Variants in WRN observed in about 807,000 individuals in gnomAD.
WRN encodes WRN RecQ like helicase, also known as bifunctional 3'-5' exonuclease/ATP-dependent helicase WRN.
In WRN, 149 loss-of-function variants were observed where a neutral mutation model predicts 180.7. That is an observed-to-expected ratio of 0.82 (90% CI 0.72 to 0.94). WRN has a LOEUF of 0.94. WRN is among the 40% of genes least tolerant of loss of function. WRN has a pLI of 0.00. For synonymous variants in WRN, 548 were observed against 568.9 expected, an observed-to-expected ratio of 0.96 and a Z score of 0.52; for missense variants, 1,661 against 1,700.1, an observed-to-expected ratio of 0.98 and a Z score of 0.40.
intron 18 of WRN, among the ~76,000 whole-genome samples, chr8:31,105,554 CG>C: frequency 6.6e-6 from 1 of 152,224 alleles, no homozygotes; most frequent in Non-Finnish European, 1.5e-5. Context: ...CTCTGCCTCC[CG>C]GGTTCAAGTG....
intron 7 of WRN, among the ~76,000 whole-genome samples, chr8:31,069,315 C>A (rs549466249): frequency 6.6e-6 from 1 of 152,254 alleles, no homozygotes; most frequent in South Asian, 2.1e-4. Context: ...AGTCTTTATT[C>A]TTACTTCTCC....
intron 33 of WRN, among the ~76,000 whole-genome samples, chr8:31,158,240 C>G (rs1181136829): frequency 6.6e-6 from 1 of 152,134 alleles, no homozygotes; most frequent in Non-Finnish European, 1.5e-5. Flanking sequence ...AGTAGCCTTT[C>G]TAATCAACAC....
At chr8:31,085,398 CTTTTATGTAG>C (rs1813491567) in intron 11 of WRN, 152 bp downstream of exon 11, 1 of 828,016 alleles carries the variant, frequency 1.2e-6, no homozygotes, top group Non-Finnish European at 1.9e-6. Context: ...ATTCATGTTT[CTTTTATGTAG>C]TCTATGAATA....
At chr8:31,116,635 T>G in intron 20 of WRN, 107 bp downstream of exon 20, 1 of 1,450,296 alleles carries the variant, frequency 6.9e-7, no homozygotes, top group Non-Finnish European at 9.5e-7. Flanking sequence ...GTGTTGAACA[T>G]AAAGCAGTCC....
chr8:31,140,346 G>A (rs1250756226), intron 24 of WRN, among the ~76,000 whole-genome samples: 1 of 152,046 alleles, frequency 6.6e-6, no homozygotes. Flanking sequence ...TTTAAAAGTA[G>A]TATTTAAATG....
At position 31,085,134 on chromosome 8, in the gene WRN, T is replaced by C. The variant is rs759461389; in HGVS notation, c.1351-32T>C. On this transcript the variant is annotated intron_variant, in intron 10 of 34. Transcript: ENST00000298139. The stretch of plus-strand genomic sequence containing the variant: ...AAAGAGGATATGAAGTCAATTATAT[T>C]GGAAATTAATGCTTAATACTTTTTT... The C allele has an allele frequency of 2.5e-6, 4 of 1,607,970 alleles. No homozygotes were observed. The Admixed American group carries it at 5.0e-5, about 20-fold the overall frequency.
chr8:31,039,611 G>A (rs1811572539), intron 1 of WRN, among the ~76,000 whole-genome samples: 1 of 152,122 alleles, frequency 6.6e-6, no homozygotes, highest in Non-Finnish European at 1.5e-5. Flanking sequence ...GTGAAAGTGG[G>A]TATCTTTGTC....
At position 31,167,222 on chromosome 8, in the gene WRN, A is replaced by G. The variant is rs1585550300; in HGVS notation, c.4183A>G (p.Asn1395Asp). The G allele has an allele frequency of 6.2e-7, 1 of 1,612,204 alleles. No individual in the cohort carries two copies. Among genetic ancestry groups the G allele is most frequent in the Non-Finnish European group, 8.5e-7 (1 of 1,178,726 alleles). The change falls in exon 34 of 35, where the codon AAT (asparagine) becomes GAT (aspartate). Residue 1395 changes from asparagine to aspartate, a missense_variant. Physicochemically the swap from Asn to Asp is conservative, Grantham distance 23. Transcript: ENST00000298139. ...SKRSKEEVGI[N>D]TETSSAERKR... ...GAGAAGCAAGGAAGAAGTAGGCATC[A>G]ATACTGAGGTATTAATTATATATAG...
Position 31,141,704 on chromosome 8 carries a change from T to G in WRN, c.3162T>G (p.Ala1054=), listed in dbSNP as rs111426441. The G allele has an allele frequency of 6.2e-7, 1 of 1,614,222 alleles. No homozygotes were observed. Among genetic ancestry groups the G allele is most frequent in the Non-Finnish European group, 8.5e-7 (1 of 1,180,032 alleles). Residue 1054 remains alanine, a synonymous_variant, in exon 26 of 35, where the codon GCT becomes GCG. Coordinates refer to ENST00000298139, the MANE Select transcript of WRN (RefSeq NM_000553.6). ...TKKGRNWLHK[A]NTESQSLILQ... Reference sequence around the variant, plus strand: ...AGGGTAGAAATTGGCTTCATAAAGCTAATACAGAATCTCAGAGCCTCATCC... The same window carrying G: ...AGGGTAGAAATTGGCTTCATAAAGCGAATACAGAATCTCAGAGCCTCATCC...
At chr8:31,074,737 G>A (rs184325351) in intron 7 of WRN, among the ~76,000 whole-genome samples, 208 of 152,228 alleles carry the variant, frequency 1.4e-3, no homozygotes, top group Admixed American at 2.5e-3. Flanking sequence ...CATGGAGGGA[G>A]GGAAGAGCAA....
rs1212067313 is a variant in WRN, at chr8:31,175,940, G to A, written c.*2838G>A. ...AATGTCTGTTTTAATTTCTAAAGTG[G>A]TAGTGATAGATATAACCCATATTAA... On this transcript the variant is annotated 3_prime_UTR_variant, in exon 35 of 35. Transcript: ENST00000298139. Among the ~76,000 whole-genome samples the A allele has an allele frequency of 6.6e-6, 1 of 152,116 alleles. No individual in the cohort carries two copies. The highest frequency in any genetic ancestry group is 1.5e-5 in the Non-Finnish European group (1 of 68,024).
intron 18 of WRN, among the ~76,000 whole-genome samples, chr8:31,109,372 A>G (rs1801217755): frequency 6.6e-6 from 1 of 152,170 alleles, no homozygotes; most frequent in Non-Finnish European, 1.5e-5. Flanking sequence ...TAGAATGTTG[A>G]GGCAAAAGAG....
At chr8:31,070,083 G>A (rs1812849165) in intron 7 of WRN, among the ~76,000 whole-genome samples, 1 of 151,668 alleles carries the variant, frequency 6.6e-6, no homozygotes, top group African/African-American at 2.4e-5. Flanking sequence ...AGTATATTGT[G>A]ACATCTTGAC....
rs144116311 is a variant in WRN at position 31,147,122 on chromosome 8, G to A, written c.3453G>A (p.Glu1151=). 5.7e-4 allele frequency: 924 copies of A among 1,613,834 alleles called. No homozygotes were observed. The highest frequency in any genetic ancestry group is 3.1e-3 in the Middle Eastern group (19 of 6,054). The change falls in exon 29 of 35, where the codon GAG becomes GAA. Residue 1151 remains glutamate, a synonymous_variant. Transcript: ENST00000298139. ...SQPVISAQEQ[E]TQIVLYGKLV... is the part of the protein sequence containing the mutation. ...CTGTTATTTCGGCACAAGAGCAGGA[G>A]ACTCAGGTAAGGCTTTTGTAAAAAG...
intron 7 of WRN, among the ~76,000 whole-genome samples, chr8:31,072,350 A>G (rs1256612439): frequency 1.3e-5 from 2 of 152,212 alleles, no homozygotes; most frequent in Non-Finnish European, 2.9e-5. Context: ...TGGGTAGCAA[A>G]AGAGTGATTT....
intron 8 of WRN, among the ~76,000 whole-genome samples, chr8:31,079,861 G>T (rs1813230627): frequency 6.6e-6 from 1 of 151,926 alleles, no homozygotes; most frequent in Non-Finnish European, 1.5e-5. Flanking sequence ...AGGCAAAACG[G>T]TATCATCAAA....
At chr8:31,059,096 G>T in intron 2 of WRN, 57 bp from the exon 3 acceptor site, 2 of 1,271,968 alleles carry the variant, frequency 1.6e-6, no homozygotes, top group South Asian at 2.4e-5. Context: ...TTATTTCAGT[G>T]AACATTTGTT....
intron 10 of WRN, among the ~76,000 whole-genome samples, chr8:31,084,106 C>G (rs1023868274): frequency 1.3e-5 from 2 of 152,174 alleles, no homozygotes; most frequent in Non-Finnish European, 2.9e-5. Context: ...TCAAGTGATC[C>G]TCCTGCATAA....
chr8:31,132,661 C>T (rs747324810), intron 24 of WRN, among the ~76,000 whole-genome samples, 155 bp downstream of exon 24: 8 of 152,180 alleles, frequency 5.3e-5, no homozygotes, highest in Admixed American at 6.5e-5. Context: ...ACACTACATT[C>T]ATTACTTTGG....
Sources: gnomAD v4.1 joint callset for allele counts (sites outside exome capture counted in the v4.1 genomes callset) on GRCh38, gnomAD v4.1.1 for gene constraint, MANE v1.5 for transcripts, NCBI Gene and HGNC (gene_info 2026-07-23, HGNC 2026-07-21) for gene names.